DYNC2H1: variants seen among roughly 807,000 people sequenced by gnomAD.
DYNC2H1 encodes cytoplasmic dynein 2 heavy chain 1.
A neutral mutation model predicts 570.0 loss-of-function variants in DYNC2H1; 410 were observed. That is an observed-to-expected ratio of 0.72 (90% confidence interval 0.66 to 0.78). DYNC2H1 has a LOEUF of 0.78. Among genes scored for constraint, DYNC2H1 ranks in the 30% least tolerant of loss-of-function variants. DYNC2H1 has a pLI of 0.00. For synonymous variants in DYNC2H1, 1,688 were observed against 1,677.6 expected (o/e 1.01, Z -0.15); for missense variants, 4,865 against 5,046.4 (o/e 0.96, Z 1.09).
At chr11:103,357,729 G>A (rs893593260) in intron 82 of DYNC2H1, among the ~76,000 whole-genome samples, 2 of 152,180 alleles carry the variant, frequency 1.3e-5, no homozygotes, top group African/African-American at 2.4e-5. Flanking sequence ...GAAGTGGGAG[G>A]ATCGCTTGAG....
chr11:103,405,587 G>A (rs1942831092), intron 84 of DYNC2H1: 1 of 151,778 alleles, frequency 6.6e-6, no homozygotes, highest in South Asian at 2.1e-4. Context: ...GTTATCAGAG[G>A]GACTAGCCAG....
chr11:103,282,667 C>T (rs1866187700), intron 72 of DYNC2H1, among the ~76,000 whole-genome samples: 1 of 151,862 alleles, frequency 6.6e-6, no homozygotes, highest in South Asian at 2.1e-4. Context: ...TCCAGCAGTA[C>T]ACCCAAAATA....
At chr11:103,426,988 G>T (rs758198586) in intron 84 of DYNC2H1, among the ~76,000 whole-genome samples, 2 of 152,084 alleles carry the variant, frequency 1.3e-5, no homozygotes, top group Non-Finnish European at 2.9e-5. Context: ...ATTTAACATG[G>T]TTAGTGTGCT....
At chr11:103,375,936 G>A (rs1438130652) in intron 83 of DYNC2H1, among the ~76,000 whole-genome samples, 2 of 152,158 alleles carry the variant, frequency 1.3e-5, no homozygotes, top group African/African-American at 4.8e-5. Context: ...AGAATGATAT[G>A]GTTTGGCAGT....
chr11:103,449,862 C>T (rs754623256), intron 85 of DYNC2H1, among the ~76,000 whole-genome samples: 2 of 152,026 alleles, frequency 1.3e-5, no homozygotes, highest in Non-Finnish European at 2.9e-5. Flanking sequence ...AGCATTTTTA[C>T]AAATTGATAG....
In DYNC2H1 at chr11:103,209,638, A is replaced by C. The variant is rs1015184293; in HGVS notation, c.8455-238A>C. On this transcript the variant is annotated intron_variant, in intron 52 of 88. Transcript: ENST00000375735. The surrounding 1 kb of genome is among the most constrained non-coding windows in gnomAD (Gnocchi z 4.2). ...AATTTCCTTTACTTCATATAGTCTC[A>C]CCATTTCAAGTGAGCTTTTCCCAGT... Among the ~76,000 whole-genome samples, 5 of 151,960 alleles carry C rather than the reference A, an allele frequency of 3.3e-5. No homozygotes were observed. The highest frequency in any genetic ancestry group is 4.8e-5 in the African/African-American group (2 of 41,412).
intron 75 of DYNC2H1, among the ~76,000 whole-genome samples, chr11:103,293,730 C>G (rs1309019200): frequency 1.3e-5 from 2 of 151,854 alleles, no homozygotes; most frequent in Non-Finnish European, 2.9e-5. Flanking sequence ...TTGTATTTTT[C>G]AGCTCTAGGA....
chr11:103,383,292 T>C (rs1159911119), intron 83 of DYNC2H1, among the ~76,000 whole-genome samples: 1 of 152,180 alleles, frequency 6.6e-6, no homozygotes, highest in Non-Finnish European at 1.5e-5. Flanking sequence ...GGACATCATC[T>C]GTAAAGAAGA....
At chr11:103,454,839 CT>C (rs1332803856) in intron 85 of DYNC2H1, among the ~76,000 whole-genome samples, 1 of 152,094 alleles carries the variant, frequency 6.6e-6, no homozygotes, top group East Asian at 1.9e-4. Context: ...GCCAAGAGAA[CT>C]TTTTAGTTAG....
At chr11:103,407,060 A>T (rs940356665) in intron 84 of DYNC2H1, 2 of 151,798 alleles carry the variant, frequency 1.3e-5, no homozygotes, top group Non-Finnish European at 2.9e-5. Context: ...TGTGTAAGGA[A>T]GTATTTGGTG....
At chr11:103,306,978 G>T (rs1012764944) in intron 77 of DYNC2H1, among the ~76,000 whole-genome samples, 1 of 152,110 alleles carries the variant, frequency 6.6e-6, no homozygotes, top group Admixed American at 6.6e-5. Flanking sequence ...AATGACATGG[G>T]TCATTAAATC....
intron 80 of DYNC2H1, among the ~76,000 whole-genome samples, chr11:103,317,312 C>T (rs1473498575): frequency 6.6e-6 from 1 of 152,066 alleles, no homozygotes; most frequent in Non-Finnish European, 1.5e-5. Context: ...GTAGATGGCC[C>T]ACCATTCCTG....
chr11:103,131,707 A>G (rs958268757), intron 13 of DYNC2H1, among the ~76,000 whole-genome samples: 6 of 152,082 alleles, frequency 3.9e-5, no homozygotes, highest in African/African-American at 1.2e-4. Context: ...ATAGATATGA[A>G]ATGCATATTT....
intron 78 of DYNC2H1, among the ~76,000 whole-genome samples, chr11:103,310,218 A>G (rs1867511075): frequency 1.3e-5 from 2 of 151,056 alleles, no homozygotes; most frequent in Admixed American, 1.3e-4. Context: ...ATTTCACCGA[A>G]TTTTCTTCTT....
At chr11:103,415,668 G>T (rs1943255120) in intron 84 of DYNC2H1, among the ~76,000 whole-genome samples, 1 of 152,208 alleles carries the variant, frequency 6.6e-6, no homozygotes. Flanking sequence ...TAGAAAGGAT[G>T]TGGAGAAATA....
intron 84 of DYNC2H1, among the ~76,000 whole-genome samples, chr11:103,435,332 A>G (rs1461908479): frequency 2.6e-5 from 4 of 152,108 alleles, no homozygotes; most frequent in Non-Finnish European, 4.4e-5. Context: ...AATCCAGAAA[A>G]CCTTCACCAA....
In DYNC2H1 at chr11:103,286,338, G is replaced by GA. The variant is rs1866351115; in HGVS notation, c.10974_10975insA (p.Gln3659ThrfsTer38). ...CTTATTATAATAATTCAATGTGTGA[G>GA]CAAGAGTTTCCATCTATCCTTGCAA... is the stretch of plus-strand genomic sequence containing the variant. On this transcript the variant is annotated frameshift_variant, in exon 74 of 89. Transcript: ENST00000375735. LOFTEE classifies it high-confidence loss of function. The GA allele has an allele frequency of 6.2e-7, 1 of 1,613,580 alleles. No homozygotes were observed. Among genetic ancestry groups the GA allele is most frequent in the African/African-American group, 1.3e-5 (1 of 74,904 alleles).
At chr11:103,237,882 T>C (rs1243250131) in intron 63 of DYNC2H1, among the ~76,000 whole-genome samples, 5 of 152,304 alleles carry the variant, frequency 3.3e-5, no homozygotes, top group African/African-American at 9.6e-5. Context: ...GAATTGTCTT[T>C]CATGATGGAT....
intron 82 of DYNC2H1, among the ~76,000 whole-genome samples, chr11:103,332,531 A>G (rs2135464120): frequency 6.6e-6 from 1 of 152,334 alleles, no homozygotes. Flanking sequence ...GCAGCGGGGT[A>G]GAGAAAGTAT....
Sources: gnomAD v4.1 joint callset for allele counts (sites outside exome capture counted in the v4.1 genomes callset) on GRCh38, gnomAD v4.1.1 for gene constraint, Gnocchi (gnomAD v3.1) non-coding constraint, MANE v1.5 for transcripts, NCBI Gene and HGNC (gene_info 2026-07-23, HGNC 2026-07-21) for gene names.